The following ARHGEF10L variants were observed in gnomAD, a reference collection of about 807,000 sequenced individuals.
ARHGEF10L encodes Rho guanine nucleotide exchange factor 10 like.
In ARHGEF10L, 69 loss-of-function variants were observed where a neutral mutation model predicts 141.2. The observed-to-expected ratio is 0.49, with a 90% CI of 0.40 to 0.60. ARHGEF10L has a LOEUF of 0.60. Among genes scored for constraint, ARHGEF10L ranks in the 20% least tolerant of loss-of-function variants. The pLI is 0.00. For synonymous variants in ARHGEF10L, 711 were observed against 718.5 expected (o/e 0.99, Z 0.17); for missense variants, 1,482 against 1,734.3 (o/e 0.85, Z 2.58).
chr1:17,619,201 C>A lies in ARHGEF10L; in HGVS notation c.836-138C>A. ...AGAAGGAGCTACCGGGCGGCTCTAA[C>A]CCCACGGGGCCCCAGGAGCTGCTTG... On this transcript the variant is annotated intron_variant, in intron 9 of 28. Coordinates refer to ENST00000361221, the MANE Select transcript of ARHGEF10L (RefSeq NM_018125.4). The surrounding 1 kb of genome is among the most constrained non-coding windows in gnomAD (Gnocchi z 5.0). 1 of 754,838 alleles carries A rather than the reference C, an allele frequency of 1.3e-6. No homozygotes were observed. Among genetic ancestry groups the A allele is most frequent in the Non-Finnish European group, 2.2e-6 (1 of 450,962 alleles). 46.8% of individuals were successfully genotyped at this position (754,838 alleles called of 1,614,324 possible).
chr1:17,556,039 CAGCCT>C (rs2077292952), intron 1 of ARHGEF10L, among the ~76,000 whole-genome samples: 1 of 150,196 alleles, frequency 6.7e-6, no homozygotes. Context: ...TAGGTTAGGG[CAGCCT>C]GGGAGCACGG....
rs938183032 is a variant in ARHGEF10L, at chr1:17,692,790, A to C, written c.3185-2368A>C. On this transcript the variant is annotated intron_variant, in intron 27 of 28. Transcript: ENST00000361221. ...ATTATGAGCCCCAGTCCTGGCCCTG[A>C]CCCATCCCCTCTTCTGACCATCTGG... Among the ~76,000 whole-genome samples the C allele has an allele frequency of 3.3e-5, 5 of 152,222 alleles. No individual in the cohort carries two copies. The East Asian group carries it at 9.6e-4, about 29-fold the overall frequency.
chr1:17,620,743 G>A (rs2060063359), intron 10 of ARHGEF10L, among the ~76,000 whole-genome samples: 1 of 152,154 alleles, frequency 6.6e-6, no homozygotes, highest in Admixed American at 6.5e-5. Context: ...TAGGGGGTCA[G>A]TCACCTCCCA....
At chr1:17,683,491 G>T (rs1343109542) in intron 26 of ARHGEF10L, among the ~76,000 whole-genome samples, 2 of 152,156 alleles carry the variant, frequency 1.3e-5, no homozygotes, top group Non-Finnish European at 2.9e-5. Context: ...TCTGGGACCC[G>T]TGATCCTGGC....
At chr1:17,589,506 G>A (rs925553142) in intron 4 of ARHGEF10L, among the ~76,000 whole-genome samples, 4 of 152,232 alleles carry the variant, frequency 2.6e-5, no homozygotes, top group African/African-American at 9.6e-5. Flanking sequence ...TAATTCTCAG[G>A]GTGGTGTCAC....
chr1:17,546,544 G>A (rs942016409), intron 1 of ARHGEF10L, among the ~76,000 whole-genome samples: 27 of 152,192 alleles, frequency 1.8e-4, no homozygotes, highest in African/African-American at 6.0e-4. Context: ...TAAGTGGCAG[G>A]ATTTGAACCC....
intron 3 of ARHGEF10L, among the ~76,000 whole-genome samples, chr1:17,588,034 G>A (rs1158415466): frequency 6.6e-6 from 1 of 152,230 alleles, no homozygotes; most frequent in Admixed American, 6.5e-5. Context: ...TGGGGGGCAG[G>A]AGGGCCCTGA....
At chr1:17,679,607 C>T (rs113205534) in intron 26 of ARHGEF10L, among the ~76,000 whole-genome samples, 32 of 152,268 alleles carry the variant, frequency 2.1e-4, no homozygotes, top group African/African-American at 6.0e-4. Flanking sequence ...GTTTCCTCAG[C>T]GGTAAAGTGT....
Position 17,580,582 on chromosome 1 carries a change from C to G in ARHGEF10L, c.-14C>G. 6.2e-7 allele frequency: 1 copy of G among 1,614,202 alleles called. No homozygotes were observed. The highest frequency in any genetic ancestry group is 1.1e-5 in the South Asian group (1 of 91,086). ...GTAGCTGGGACGGTGCTGGTCTGAGCTGGACCTTGTCTGATGGCTTCCTCC... is the reference window on the plus strand; with the variant it reads ...GTAGCTGGGACGGTGCTGGTCTGAGGTGGACCTTGTCTGATGGCTTCCTCC... On this transcript the variant is annotated 5_prime_UTR_variant, in exon 2 of 29. Coordinates refer to ENST00000361221, the MANE Select transcript of ARHGEF10L (RefSeq NM_018125.4).
chr1:17,540,406 C>T (rs1450889085), intron 1 of ARHGEF10L, among the ~76,000 whole-genome samples: 1 of 152,054 alleles, frequency 6.6e-6, no homozygotes, highest in East Asian at 1.9e-4. Flanking sequence ...TGGACCCCCG[C>T]CCAGAGGCGG....
intron 27 of ARHGEF10L, chr1:17,691,250 A>T: frequency 2.7e-6 from 1 of 371,474 alleles, no homozygotes; most frequent in South Asian, 2.0e-5. Flanking sequence ...CACCATTAGA[A>T]TTTTTTTTTT....
At position 17,673,381 on chromosome 1, in the gene ARHGEF10L, G is replaced by A. The variant is rs982806460; in HGVS notation, c.3009+8786G>A. On this transcript the variant is annotated intron_variant, in intron 26 of 28. Coordinates refer to ENST00000361221, the MANE Select transcript of ARHGEF10L (RefSeq NM_018125.4). The surrounding 1 kb of genome is among the most constrained non-coding windows in gnomAD (Gnocchi z 4.1). The stretch of plus-strand genomic sequence containing the variant: ...CAGATGCCCAAGGGGCAGCTGCCCA[G>A]TCCTTTTGGAACTTGGCAAGGAACA... 6.6e-5 allele frequency among the ~76,000 whole-genome samples: 10 copies of A among 152,166 alleles called. No individual in the cohort carries two copies. Among genetic ancestry groups the A allele is most frequent in the African/African-American group, 2.4e-4 (10 of 41,428 alleles).
intron 25 of ARHGEF10L, among the ~76,000 whole-genome samples, chr1:17,658,807 C>T (rs894433914): frequency 6.6e-6 from 1 of 151,766 alleles, no homozygotes; most frequent in African/African-American, 2.4e-5. Flanking sequence ...GAGAGCCTCA[C>T]TGCCCAAGTG....
At chr1:17,624,579 C>T (rs2060279836) in intron 13 of ARHGEF10L, 76 bp downstream of exon 13, 8 of 1,237,290 alleles carry the variant, frequency 6.5e-6, no homozygotes, top group Non-Finnish European at 9.5e-6. Context: ...GCATTTTGGC[C>T]CCAGCTTTGG....
chr1:17,632,203 C>T, intron 15 of ARHGEF10L, 118 bp from the exon 16 acceptor site: 1 of 1,340,514 alleles, frequency 7.5e-7, no homozygotes, highest in Admixed American at 1.8e-5. Flanking sequence ...GGCTTCATCT[C>T]CTCCACCTCT....
chr1:17,610,855 A>G (rs1158569821), intron 7 of ARHGEF10L, among the ~76,000 whole-genome samples: 2 of 152,088 alleles, frequency 1.3e-5, no homozygotes, highest in African/African-American at 4.8e-5. Context: ...AAAAGTGACC[A>G]TGGGGTCTGT....
At chr1:17,617,372 C>T (rs1337390933) in intron 9 of ARHGEF10L, among the ~76,000 whole-genome samples, 1 of 152,214 alleles carries the variant, frequency 6.6e-6, no homozygotes, top group Non-Finnish European at 1.5e-5. Context: ...CTTCAGGTGC[C>T]TACCCTTGCT....
chr1:17,544,352 A>G (rs1174156924), intron 1 of ARHGEF10L, among the ~76,000 whole-genome samples: 1 of 151,744 alleles, frequency 6.6e-6, no homozygotes, highest in African/African-American at 2.4e-5. Flanking sequence ...GTGCAATGGC[A>G]TGATCTCGGC....
rs1311379911 is a variant in ARHGEF10L, at chr1:17,607,326, T to C, written c.434-476T>C. The stretch of plus-strand genomic sequence containing the variant: ...TCCGTCTCTACAAAAAATTAAAAAA[T>C]TAGCTGGGTGTGATGGTGCACACCT... On this transcript the variant is annotated intron_variant, in intron 6 of 28. Coordinates refer to ENST00000361221, the MANE Select transcript of ARHGEF10L (RefSeq NM_018125.4). The surrounding 1 kb of genome is among the most constrained non-coding windows in gnomAD (Gnocchi z 4.5). Among the ~76,000 whole-genome samples the C allele has an allele frequency of 6.6e-6, 1 of 152,060 alleles. No homozygotes were observed. Among genetic ancestry groups the C allele is most frequent in the Non-Finnish European group, 1.5e-5 (1 of 68,016 alleles).
Sources: gnomAD v4.1 joint callset for allele counts (sites outside exome capture counted in the v4.1 genomes callset) on GRCh38, gnomAD v4.1.1 for gene constraint, Gnocchi (gnomAD v3.1) non-coding constraint, MANE v1.5 for transcripts, NCBI Gene and HGNC (gene_info 2026-07-23, HGNC 2026-07-21) for gene names.